Variants in TIMMDC1 observed in about 807,000 individuals in gnomAD.
TIMMDC1 encodes the protein complex I assembly factor TIMMDC1, mitochondrial.
Under a neutral mutation model 32.6 loss-of-function variants are expected in TIMMDC1, and 25 were observed. The ratio of observed to expected loss-of-function variants is 0.77; its 90% CI spans 0.56 to 1.07. The LOEUF is 1.07. Among genes scored for constraint, TIMMDC1 ranks in the 50% least tolerant of loss-of-function variants. The probability of loss-of-function intolerance (pLI) is 0.00; values close to 1 mark genes in which losing one functional copy is unlikely to be tolerated. For synonymous variants in TIMMDC1, 130 were observed against 127.6 expected (o/e 1.02, Z -0.13); for missense variants, 329 against 349.2 (o/e 0.94, Z 0.46).
At chr3:119,508,622 A>T (rs1333964322) in intron 4 of TIMMDC1, among the ~76,000 whole-genome samples, 1 of 152,246 alleles carries the variant, frequency 6.6e-6, no homozygotes, top group Non-Finnish European at 1.5e-5. Context: ...AGTTTCAACC[A>T]TGCAAGCTCA....
rs2081990279 is a variant in TIMMDC1, at chr3:119,517,254, A to G, written c.646A>G (p.Thr216Ala). 6 of 1,613,910 alleles carry G rather than the reference A, an allele frequency of 3.7e-6. No individual in the cohort carries two copies. The East Asian group carries it at 1.3e-4, about 36-fold the overall frequency. ...GGCATTTCAGAAGTACTCTGGTGAG[A>G]CTGTTCAGGAAAGAAAACAGAAGGA... ...LMAFQKYSGE[T>A]VQERKQKDRK... is the part of the protein sequence containing the mutation. Residue 216 changes from threonine to alanine, a missense_variant, in exon 6 of 7, where the codon ACT (threonine) becomes GCT (alanine). Physicochemically the swap from Thr to Ala is moderately conservative, Grantham distance 58. Transcript: ENST00000494664.
In TIMMDC1 at chr3:119,509,292, G is replaced by A. The variant is rs527740702; in HGVS notation, c.518-4349G>A. Among the ~76,000 whole-genome samples, 4 of 152,166 alleles carry A rather than the reference G, an allele frequency of 2.6e-5. No homozygotes were observed. In the South Asian group the frequency reaches 8.3e-4, roughly 32 times the overall value. On this transcript the variant is annotated intron_variant, in intron 4 of 6. Coordinates refer to ENST00000494664, the MANE Select transcript of TIMMDC1 (RefSeq NM_016589.4). ...CCAAGATAAATGAAAACATGTCCAC[G>A]CAAAGACTTATATATAAATTTTTAT...
intron 6 of TIMMDC1, 69 bp downstream of exon 6, chr3:119,517,384 T>C (rs2081992914): frequency 1.0e-6 from 1 of 981,988 alleles, no homozygotes. Flanking sequence ...GGTGCTCTTT[T>C]AAACTTATGT....
At chr3:119,518,780 A>G (rs114428105) in intron 6 of TIMMDC1, among the ~76,000 whole-genome samples, 1,697 of 152,178 alleles carry the variant, frequency 0.011, 31 homozygotes, top group African/African-American at 0.039. Flanking sequence ...GTCCACTGCC[A>G]CCATTTACCT....
rs201492699 is a variant in TIMMDC1, at chr3:119,498,913, G to T, written c.180G>T (p.Glu60Asp). The change falls in exon 1 of 7, where the codon GAG becomes GAT. Residue 60 changes from glutamate to aspartate, a missense_variant. By Grantham distance (45) the Glu-to-Asp change is conservative (BLOSUM62 2). Transcript: ENST00000494664. ...AATCTGGATGGGACCGCCTCCGGGAGCTGTTTGGCAAAGAGTAAAAGTGCC... is the reference window on the plus strand; with the variant it reads ...AATCTGGATGGGACCGCCTCCGGGATCTGTTTGGCAAAGAGTAAAAGTGCC... ...YPESGWDRLR[E>D]LFGKDEQQRI... 295 of 1,614,148 alleles carry T rather than the reference G, an allele frequency of 1.8e-4. 3 individuals carry two copies. The East Asian group carries it at 6.6e-3, about 36-fold the overall frequency.
At chr3:119,502,793 T>A (rs2081889101) in intron 2 of TIMMDC1, among the ~76,000 whole-genome samples, 1 of 152,010 alleles carries the variant, frequency 6.6e-6, no homozygotes. Flanking sequence ...ACTTGTCGGC[T>A]CAAGTGATCC....
chr3:119,522,302 ACAGAAAGATAAATACTG>A (rs2082031917), intron 6 of TIMMDC1, among the ~76,000 whole-genome samples: 1 of 152,204 alleles, frequency 6.6e-6, no homozygotes, highest in Admixed American at 6.6e-5. Context: ...TAAGTCATAC[ACAGAAAGATAAATACTG>A]CATGTTCTGT....
intron 6 of TIMMDC1, among the ~76,000 whole-genome samples, chr3:119,522,832 G>A (rs1577104274): frequency 6.8e-6 from 1 of 146,240 alleles, no homozygotes; most frequent in Non-Finnish European, 1.5e-5. Flanking sequence ...GTGTGTGTGT[G>A]TGTGAGATAT....
intron 4 of TIMMDC1, among the ~76,000 whole-genome samples, chr3:119,511,322 TAAAAA>T (rs543016645): frequency 6.6e-6 from 1 of 150,678 alleles, no homozygotes; most frequent in Non-Finnish European, 1.5e-5. Flanking sequence ...TACTAAAAAA[TAAAAA>T]AAATAGTTGT....
intron 4 of TIMMDC1, among the ~76,000 whole-genome samples, chr3:119,509,885 C>T (rs948444768): frequency 6.6e-6 from 1 of 151,958 alleles, no homozygotes; most frequent in Non-Finnish European, 1.5e-5. Context: ...AGGGTTTCAC[C>T]ATGTTAGCCA....
intron 2 of TIMMDC1, among the ~76,000 whole-genome samples, chr3:119,501,803 T>A (rs2081877897): frequency 6.6e-6 from 1 of 151,968 alleles, no homozygotes; most frequent in Non-Finnish European, 1.5e-5. Context: ...TCTGGAAGAG[T>A]TTCTCTGTTT....
At chr3:119,501,122 C>T (rs1193021027) in intron 2 of TIMMDC1, among the ~76,000 whole-genome samples, 2 of 152,156 alleles carry the variant, frequency 1.3e-5, no homozygotes, top group Non-Finnish European at 2.9e-5. Flanking sequence ...TCTTCCAATC[C>T]CCTGCTAAAT....
Position 119,498,704 on chromosome 3 carries a change from T to C in TIMMDC1, c.-30T>C. 6.2e-7 allele frequency: 1 copy of C among 1,610,602 alleles called. No individual in the cohort carries two copies. The highest frequency in any genetic ancestry group is 8.5e-7 in the Non-Finnish European group (1 of 1,177,766). On this transcript the variant is annotated 5_prime_UTR_variant, in exon 1 of 7. Transcript: ENST00000494664. ...CGCGAGGACTTGAAGTCCTGAGCGC[T>C]CAAGTTTGTCCGTAGGTCGAGAGAA...
chr3:119,507,849 C>G lies in TIMMDC1; in HGVS notation c.517+3828C>G, dbSNP rs533920387. ...GCAGTCCTATGATTAGGTTCTTAGT[C>G]TTTTAGTGAGCCTGTGCTTCTGAAC... is the stretch of plus-strand genomic sequence containing the variant. On this transcript the variant is annotated intron_variant, in intron 4 of 6. Transcript: ENST00000494664. Among the ~76,000 whole-genome samples, 28 of 152,266 alleles carry G rather than the reference C, an allele frequency of 1.8e-4. No homozygotes were observed. The East Asian group carries it at 5.4e-3, about 29-fold the overall frequency.
At chr3:119,504,717 T>A (rs1423686476) in intron 4 of TIMMDC1, among the ~76,000 whole-genome samples, 1 of 152,138 alleles carries the variant, frequency 6.6e-6, no homozygotes, top group East Asian at 1.9e-4. Context: ...GAGGAATAAG[T>A]TCAAGAGATC....
chr3:119,522,969 A>G (rs2082038690), intron 6 of TIMMDC1, among the ~76,000 whole-genome samples: 1 of 152,196 alleles, frequency 6.6e-6, no homozygotes, highest in African/African-American at 2.4e-5. Flanking sequence ...AAATGTAGAA[A>G]ACTGACTATA....
intron 4 of TIMMDC1, among the ~76,000 whole-genome samples, chr3:119,507,899 G>GT (rs1194408423): frequency 6.6e-6 from 1 of 152,140 alleles, no homozygotes; most frequent in African/African-American, 2.4e-5. Flanking sequence ...GTGCTTTTCA[G>GT]TTTTTTTCCT....
chr3:119,511,483 A>C (rs191638610), intron 4 of TIMMDC1, among the ~76,000 whole-genome samples: 1 of 145,502 alleles, frequency 6.9e-6, no homozygotes, highest in Admixed American at 7.0e-5. Flanking sequence ...TCTTAAAAAA[A>C]AAAAGAAAAA....
chr3:119,506,467 T>TGTGATCATGCCACC (rs1229433793), intron 4 of TIMMDC1, among the ~76,000 whole-genome samples: 3 of 150,400 alleles, frequency 2.0e-5, no homozygotes, highest in Admixed American at 6.6e-5. Context: ...TACAGTGAGG[T>TGTGATCATGCCACC]GTGATCATGC....
Sources: gnomAD v4.1 joint callset for allele counts (sites outside exome capture counted in the v4.1 genomes callset) on GRCh38, gnomAD v4.1.1 for gene constraint, MANE v1.5 for transcripts, NCBI Gene and HGNC (gene_info 2026-07-23, HGNC 2026-07-21) for gene names.